The following RANBP17 variants were observed in gnomAD, a reference collection of about 807,000 sequenced individuals.
RANBP17 encodes RAN binding protein 17, also known as ran-binding protein 17.
In RANBP17, 158 loss-of-function variants were observed where a neutral mutation model predicts 141.2. The observed-to-expected ratio is 1.12, with a 90% CI of 0.98 to 1.28. The LOEUF is 1.28. Ranked by LOEUF, RANBP17 falls within the 50% of genes most tolerant of loss-of-function variation. The pLI, the probability that RANBP17 is intolerant of heterozygous loss-of-function variation, is 0.00. For missense variants in RANBP17, 1,438 were observed against 1,290.7 expected (o/e 1.11, Z -1.75); for synonymous variants, 430 against 450.0 (o/e 0.96, Z 0.56).
chr5:170,956,042 G>C (rs868525125), intron 13 of RANBP17, among the ~76,000 whole-genome samples: 4 of 151,022 alleles, frequency 2.6e-5, no homozygotes, highest in Middle Eastern at 6.9e-3. Flanking sequence ...TCTCCCAGCT[G>C]TCTTTGGTAT....
intron 14 of RANBP17, among the ~76,000 whole-genome samples, chr5:171,061,508 T>G (rs1783847612): frequency 6.6e-6 from 1 of 152,112 alleles, no homozygotes; most frequent in Non-Finnish European, 1.5e-5. Context: ...CTAGTTTGAT[T>G]GCACTGTGGT....
At chr5:170,883,678 A>C (rs1768912857) in intron 3 of RANBP17, among the ~76,000 whole-genome samples, 1 of 152,200 alleles carries the variant, frequency 6.6e-6, no homozygotes, top group Admixed American at 6.5e-5. Flanking sequence ...TATAGTTGGA[A>C]TCATACAGCC....
rs1581198576 is a variant in RANBP17, at chr5:171,294,292, T to A, written c.3042+311T>A. Among the ~76,000 whole-genome samples the A allele has an allele frequency of 3.3e-5, 5 of 152,358 alleles. No homozygotes were observed. In the South Asian group the frequency reaches 8.3e-4, roughly 25 times the overall value. On this transcript the variant is annotated intron_variant, in intron 26 of 27. Coordinates refer to ENST00000523189, the MANE Select transcript of RANBP17 (RefSeq NM_022897.5). ...CACTCCCCTGATTCCAGGAGAATTC[T>A]GAGCAACAACCCTTTTTGCCTTCCT...
chr5:171,078,356 A>G (rs1159975228), intron 14 of RANBP17, among the ~76,000 whole-genome samples: 4 of 152,092 alleles, frequency 2.6e-5, no homozygotes, highest in Admixed American at 6.5e-5. Context: ...GAGTTTCACC[A>G]TGTTGGCAAG....
chr5:171,103,727 T>G (rs1787347936), intron 14 of RANBP17, among the ~76,000 whole-genome samples: 1 of 151,970 alleles, frequency 6.6e-6, no homozygotes, highest in South Asian at 2.1e-4. Context: ...AGGGCCCTGG[T>G]GGTGTAGGCA....
At chr5:170,866,150 C>A (rs983803715) in intron 1 of RANBP17, among the ~76,000 whole-genome samples, 1 of 152,096 alleles carries the variant, frequency 6.6e-6, no homozygotes, top group Non-Finnish European at 1.5e-5. Flanking sequence ...GTGTGGCCAG[C>A]CCCCAGCCTA....
At chr5:170,959,530 G>C (rs1200787637) in intron 13 of RANBP17, among the ~76,000 whole-genome samples, 3 of 152,056 alleles carry the variant, frequency 2.0e-5, no homozygotes, top group Non-Finnish European at 2.9e-5. Flanking sequence ...TGTTTGTATA[G>C]TACATTTGGC....
chr5:171,067,284 G>C (rs1024216520), intron 14 of RANBP17, among the ~76,000 whole-genome samples: 1 of 152,012 alleles, frequency 6.6e-6, no homozygotes, highest in Non-Finnish European at 1.5e-5. Context: ...CTCATATCTA[G>C]CTCTGTCCCC....
chr5:170,878,037 G>C (rs902514530), intron 1 of RANBP17, 60 bp from the exon 2 acceptor site: 1 of 1,267,202 alleles, frequency 7.9e-7, no homozygotes, highest in Non-Finnish European at 1.1e-6. Context: ...GTTTTTTGTG[G>C]TTAAATATTT....
intron 12 of RANBP17, among the ~76,000 whole-genome samples, chr5:170,952,532 T>C (rs1052216169): frequency 6.6e-6 from 1 of 152,090 alleles, no homozygotes; most frequent in African/African-American, 2.4e-5. Context: ...TAATAATGAC[T>C]GCTAGTATCC....
intron 14 of RANBP17, among the ~76,000 whole-genome samples, chr5:170,990,467 A>G (rs539637107): frequency 6.6e-6 from 1 of 151,960 alleles, no homozygotes; most frequent in African/African-American, 2.4e-5. Context: ...AGGCCAACAA[A>G]TTTTTTCAGT....
chr5:171,227,574 C>T (rs946974983), intron 22 of RANBP17, among the ~76,000 whole-genome samples: 1 of 152,238 alleles, frequency 6.6e-6, no homozygotes, highest in Non-Finnish European at 1.5e-5. Flanking sequence ...AGCGAGTTAT[C>T]ATGAAGATCT....
At chr5:171,109,716 A>G (rs1224531248) in intron 14 of RANBP17, among the ~76,000 whole-genome samples, 1 of 152,204 alleles carries the variant, frequency 6.6e-6, no homozygotes, top group Non-Finnish European at 1.5e-5. Flanking sequence ...GAAAGTCCAT[A>G]TATGTTCAGT....
At chr5:171,235,389 GCAAACAAA>G (rs1002257095) in intron 22 of RANBP17, among the ~76,000 whole-genome samples, 2 of 149,848 alleles carry the variant, frequency 1.3e-5, no homozygotes, top group Admixed American at 6.7e-5. Context: ...TGAGCCAATA[GCAAACAAA>G]CAAACAAACA....
chr5:171,252,766 T>C (rs1765654860), intron 24 of RANBP17: 2 of 1,322,176 alleles, frequency 1.5e-6, no homozygotes, highest in Non-Finnish European at 1.1e-6. Flanking sequence ...ACTTGCTTCA[T>C]ATGAAAGTGT....
chr5:170,981,142 G>A, intron 14 of RANBP17, among the ~76,000 whole-genome samples: 1 of 152,194 alleles, frequency 6.6e-6, no homozygotes, highest in East Asian at 1.9e-4. Flanking sequence ...TGGAATGGCT[G>A]TATTTATCCA....
chr5:171,063,136 G>T (rs183872639), intron 14 of RANBP17, among the ~76,000 whole-genome samples: 1 of 152,022 alleles, frequency 6.6e-6, no homozygotes, highest in Non-Finnish European at 1.5e-5. Flanking sequence ...TAGTTTGATC[G>T]TCTGAAGCCT....
intron 11 of RANBP17, among the ~76,000 whole-genome samples, chr5:170,923,384 T>C (rs1002076664): frequency 3.9e-5 from 6 of 152,242 alleles, no homozygotes; most frequent in Non-Finnish European, 7.3e-5. Context: ...CAGTACCCTG[T>C]CTTGATTAGG....
chr5:171,176,882 G>C (rs147866966), intron 16 of RANBP17, among the ~76,000 whole-genome samples: 1 of 152,306 alleles, frequency 6.6e-6, no homozygotes, highest in East Asian at 1.9e-4. Context: ...GTAGGTGTCA[G>C]GAAAGAGTAG....
Sources: allele counts gnomAD v4.1 joint callset (sites outside exome capture counted in the v4.1 genomes callset), GRCh38; gene constraint gnomAD v4.1.1; transcripts MANE v1.5; gene names NCBI Gene and HGNC (gene_info 2026-07-23, HGNC 2026-07-21).